Variants in MEP1A observed in about 807,000 individuals in gnomAD.
The protein encoded by MEP1A is meprin A subunit alpha, also known as N-benzoyl-L-tyrosyl-P-amino-benzoic acid hydrolase subunit alpha.
MEP1A carries 68 observed loss-of-function variants against 84.5 expected under a neutral mutation model. The ratio of observed to expected loss-of-function variants is 0.80; its 90% CI spans 0.66 to 0.98. MEP1A has a LOEUF of 0.98. Among genes scored for constraint, MEP1A ranks in the 50% least tolerant of loss-of-function variants. MEP1A has a pLI of 0.00. For missense variants in MEP1A, 887 were observed against 919.9 expected (o/e 0.96, Z 0.46); for synonymous variants, 337 against 336.8 (o/e 1.00, Z -0.01).
At chr6:46,805,974 C>T (rs538223991) in intron 5 of MEP1A, among the ~76,000 whole-genome samples, 3 of 152,072 alleles carry the variant, frequency 2.0e-5, no homozygotes, top group South Asian at 2.1e-4. Flanking sequence ...CTCTCTGTCT[C>T]TTTTACCATC....
In MEP1A at chr6:46,839,773, T is replaced by A. The variant is rs921795050; in HGVS notation, c.*637T>A. The A allele has an allele frequency of 6.6e-6, 1 of 152,186 alleles. No individual in the cohort carries two copies. The highest frequency in any genetic ancestry group is 2.4e-5 in the African/African-American group (1 of 41,442). The allele number at this position is 152,186 out of a possible 1,614,324, so 9.4% of individuals were successfully genotyped here. ...TTTAATAAATTTAATAAATATTGAG[T>A]TAGCACCTTCTTTGTATCTGGTATT... On this transcript the variant is annotated 3_prime_UTR_variant, in exon 14 of 14. Transcript: ENST00000230588.
intron 7 of MEP1A, among the ~76,000 whole-genome samples, 175 bp from the exon 8 acceptor site, chr6:46,825,095 GTA>G: frequency 1.0e-5 from 1 of 96,266 alleles, no homozygotes. Flanking sequence ...TATAAATTAT[GTA>G]TTTAAATAAA....
At chr6:46,828,503 A>T (rs140970240) in intron 9 of MEP1A, among the ~76,000 whole-genome samples, 1,844 of 151,920 alleles carry the variant, frequency 0.012, 43 homozygotes, top group African/African-American at 0.042. Flanking sequence ...TATACTGTAC[A>T]CTCACTTTAT....
chr6:46,844,916 C>T, the MEP1A span, among the ~76,000 whole-genome samples: 1 of 137,408 alleles, frequency 7.3e-6, no homozygotes, highest in African/African-American at 2.6e-5. Flanking sequence ...TTCCCCCATG[C>T]TGTTCTTGTG....
At chr6:46,807,861 C>A (rs1159088256) in intron 5 of MEP1A, among the ~76,000 whole-genome samples, 2 of 150,816 alleles carry the variant, frequency 1.3e-5, no homozygotes, top group African/African-American at 4.9e-5. Flanking sequence ...ATAAATCAGT[C>A]AAATGTGGCT....
rs1392144665 is a variant in MEP1A at position 46,835,278 on chromosome 6, C to G, written c.1813C>G (p.Pro605Ala). ...DITHLSQTEVPTKGKRLSPQG... is the reference protein window; with the variant it reads ...DITHLSQTEVATKGKRLSPQG... ...CACCCACCTCAGCCAGACTGAAGTT[C>G]CCACTAAAGGCAAAAGACTGAGCCC... Residue 605 changes from proline (P) to alanine (A), a missense_variant, in exon 13 of 14, where the codon CCC (proline) becomes GCC (alanine). By Grantham distance (27) the Pro-to-Ala change is conservative. Transcript: ENST00000230588. 1 of 1,602,390 alleles carries G rather than the reference C, an allele frequency of 6.2e-7. No individual in the cohort carries two copies. The highest frequency in any genetic ancestry group is 1.3e-5 in the African/African-American group (1 of 74,670).
intron 5 of MEP1A, among the ~76,000 whole-genome samples, chr6:46,804,267 G>A (rs1767261503): frequency 1.3e-5 from 2 of 151,432 alleles, no homozygotes; most frequent in Non-Finnish European, 3.0e-5. Context: ...AAATTTTGAG[G>A]ATATTTTAAC....
At chr6:46,797,156 G>C (rs997190923) in intron 3 of MEP1A, among the ~76,000 whole-genome samples, 3 of 152,200 alleles carry the variant, frequency 2.0e-5, no homozygotes, top group African/African-American at 7.2e-5. Context: ...GCTGGTTCCT[G>C]AATGAGCCAC....
intron 3 of MEP1A, among the ~76,000 whole-genome samples, chr6:46,797,354 T>A (rs1362597921): frequency 6.6e-6 from 1 of 152,240 alleles, no homozygotes; most frequent in Non-Finnish European, 1.5e-5. Flanking sequence ...GATGCTCTTT[T>A]AATGCTTGAG....
rs540732518 is a variant in MEP1A, at chr6:46,810,870, G to A, written c.380+1333G>A. Reference sequence around the variant, plus strand: ...TACTTTCCTGTTTTTGGTGACTATGGCCTTACAGTATAGTTTGAAGTTGGG... The same window carrying A: ...TACTTTCCTGTTTTTGGTGACTATGACCTTACAGTATAGTTTGAAGTTGGG... On this transcript the variant is annotated intron_variant, in intron 6 of 13. Transcript: ENST00000230588. Among the ~76,000 whole-genome samples the A allele has an allele frequency of 6.6e-5, 10 of 152,092 alleles. No individual in the cohort carries two copies. The South Asian group carries it at 2.1e-3, about 32-fold the overall frequency.
At chr6:46,810,087 T>C (rs991914143) in intron 6 of MEP1A, among the ~76,000 whole-genome samples, 8 of 152,058 alleles carry the variant, frequency 5.3e-5, no homozygotes, top group African/African-American at 1.7e-4. Context: ...ACCCACAGTG[T>C]AAAAGTGTTC....
intron 3 of MEP1A, among the ~76,000 whole-genome samples, chr6:46,796,352 ACTCT>A (rs776964275): frequency 4.0e-5 from 6 of 150,652 alleles, no homozygotes; most frequent in Non-Finnish European, 8.9e-5. Flanking sequence ...TCATTCCCTC[ACTCT>A]ATCATATTTC....
chr6:46,831,625 T>C lies in MEP1A; in HGVS notation c.1145-1449T>C, dbSNP rs566889065. On this transcript the variant is annotated intron_variant, in intron 10 of 13. Transcript: ENST00000230588. ...TTGGGTCTCCTTCCCAGTGCCAGATTCCCCCATCTCAACCTCATTTTGACA... is the reference window on the plus strand; with the variant it reads ...TTGGGTCTCCTTCCCAGTGCCAGATCCCCCCATCTCAACCTCATTTTGACA... Among the ~76,000 whole-genome samples the C allele has an allele frequency of 1.6e-4, 25 of 152,170 alleles. No homozygotes were observed. In the South Asian group the frequency reaches 5.0e-3, roughly 30 times the overall value.
At chr6:46,829,624 GCTT>G (rs757852918) in intron 10 of MEP1A, 53 bp downstream of exon 10, 5 of 1,313,586 alleles carry the variant, frequency 3.8e-6, no homozygotes, top group African/African-American at 1.4e-5. Context: ...CCGGGATCCT[GCTT>G]CTTCTCCTCC....
At position 46,818,682 on chromosome 6, in the gene MEP1A, A is replaced by G. The variant is rs368276356; in HGVS notation, c.381-847A>G. ...TCCTCCTTGCCTGATACCCTTCAGA[A>G]ATAAGTTAGGCAGCCTTCTCTGTGC... On this transcript the variant is annotated intron_variant, in intron 6 of 13. Transcript: ENST00000230588. Among the ~76,000 whole-genome samples, 27 of 152,292 alleles carry G rather than the reference A, an allele frequency of 1.8e-4. No homozygotes were observed. The South Asian group carries it at 3.7e-3, about 21-fold the overall frequency.
At chr6:46,831,875 T>G (rs1768084587) in intron 10 of MEP1A, among the ~76,000 whole-genome samples, 1 of 152,198 alleles carries the variant, frequency 6.6e-6, no homozygotes, top group Admixed American at 6.5e-5. Flanking sequence ...ATTTGTATGT[T>G]ACAGAGGTGG....
downstream of MEP1A, among the ~76,000 whole-genome samples, chr6:46,841,570 G>A (rs944691568): frequency 3.3e-5 from 5 of 152,208 alleles, no homozygotes. Flanking sequence ...CATGAAAAAT[G>A]TGGGAAATCC....
intron 6 of MEP1A, among the ~76,000 whole-genome samples, chr6:46,810,307 T>G (rs1461902743): frequency 2.6e-5 from 4 of 152,124 alleles, no homozygotes; most frequent in Non-Finnish European, 5.9e-5. Context: ...CAATTTTTGA[T>G]GGGATTGTTT....
Position 46,793,586 on chromosome 6 carries a change from A to T in MEP1A, c.94+10A>T. 1 of 1,553,580 alleles carries T rather than the reference A, an allele frequency of 6.4e-7. No individual in the cohort carries two copies. On this transcript the variant is annotated intron_variant, in intron 2 of 13. Transcript: ENST00000230588. ...CTTCCTGAAGAAAATGGTAAGAATTAGTTCAAATGCACAGAGAGTGTTTTT... is the reference window on the plus strand; with the variant it reads ...CTTCCTGAAGAAAATGGTAAGAATTTGTTCAAATGCACAGAGAGTGTTTTT...
Sources: allele counts gnomAD v4.1 joint callset (sites outside exome capture counted in the v4.1 genomes callset), GRCh38; gene constraint gnomAD v4.1.1; transcripts MANE v1.5; gene names NCBI Gene and HGNC (gene_info 2026-07-23, HGNC 2026-07-21).